Variants in NARS1 observed in about 807,000 individuals in gnomAD.
NARS1 encodes asparaginyl-tRNA synthetase 1.
In NARS1, 65 loss-of-function variants were observed where a neutral mutation model predicts 79.2. The observed-to-expected ratio is 0.82, with a 90% CI of 0.67 to 1.01. The LOEUF is 1.01. NARS1 is among the 50% of genes least tolerant of loss of function. NARS1 has a pLI of 0.00. For missense variants in NARS1, 649 were observed against 673.8 expected, an observed-to-expected ratio of 0.96 and a Z score of 0.41; for synonymous variants, 229 against 238.8, an observed-to-expected ratio of 0.96 and a Z score of 0.38.
chr18:57,609,167 G>A (rs1221022418), intron 7 of NARS1, among the ~76,000 whole-genome samples, 190 bp downstream of exon 7: 1 of 152,160 alleles, frequency 6.6e-6, no homozygotes, highest in Non-Finnish European at 1.5e-5. Context: ...ATGGCCTATC[G>A]TGGGACTTCA....
chr18:57,601,809 G>A (rs1034398254), intron 13 of NARS1, 26 bp from the exon 14 acceptor site: 2 of 1,608,498 alleles, frequency 1.2e-6, no homozygotes, highest in Admixed American at 3.3e-5. Context: ...AAGAAAGAAA[G>A]AGGAGTAAAT....
intron 2 of NARS1, among the ~76,000 whole-genome samples, chr18:57,617,022 T>A (rs1245410575): frequency 6.7e-6 from 1 of 149,952 alleles, no homozygotes; most frequent in Non-Finnish European, 1.5e-5. Flanking sequence ...CTCCCCCATG[T>A]AGAATACCTC....
At chr18:57,606,081 G>A (rs940940330) in intron 10 of NARS1, 111 bp from the exon 11 acceptor site, 3 of 647,226 alleles carry the variant, frequency 4.6e-6, no homozygotes, top group Non-Finnish European at 7.5e-6. Context: ...AGGTGTGGTG[G>A]CTCATGCCTG....
intron 6 of NARS1, 33 bp downstream of exon 6, chr18:57,611,604 A>C (rs775497761): frequency 7.0e-7 from 1 of 1,425,504 alleles, no homozygotes; most frequent in Admixed American, 2.0e-5. Flanking sequence ...GAAAACATCT[A>C]ATTTTCAGGC....
At chr18:57,604,142 G>A (rs1231943595) in intron 11 of NARS1, among the ~76,000 whole-genome samples, 1 of 152,230 alleles carries the variant, frequency 6.6e-6, no homozygotes, top group Non-Finnish European at 1.5e-5. Context: ...CACCTGGGGG[G>A]CCTTCTGACT....
rs1408656767 is a variant in NARS1 at position 57,607,684 on chromosome 18, G to C, written c.580-19C>G. On this transcript the variant is annotated intron_variant, in intron 7 of 13. Transcript: ENST00000256854. ...CTGGAGCCTGCATTTTTTAAAAGTG[G>C]GGTCCAGAGAAAGAGGGAAAAGGAA... 9 of 1,585,992 alleles carry C rather than the reference G, an allele frequency of 5.7e-6. No homozygotes were observed. Among genetic ancestry groups the C allele is most frequent in the Non-Finnish European group, 6.9e-6 (8 of 1,161,200 alleles).
Position 57,620,553 on chromosome 18 carries a change from TGAGAA to T in NARS1, c.93+11_93+15del. The T allele has an allele frequency of 6.4e-7, 1 of 1,562,426 alleles. No homozygotes were observed. On this transcript the variant is annotated intron_variant, in intron 2 of 13. Transcript: ENST00000256854. ...AATAAATGCAGTCTCATTTTCCTAA[TGAGAA>T]GAGACTCTACCTTTAGACCTGTTTT...
At chr18:57,614,243 G>A (rs1599037925) in intron 4 of NARS1, among the ~76,000 whole-genome samples, 1 of 152,226 alleles carries the variant, frequency 6.6e-6, no homozygotes, top group East Asian at 1.9e-4. Context: ...GCTCAAGCCT[G>A]TAATCCCAGC....
Position 57,611,680 on chromosome 18 carries a change from C to T in NARS1, c.449G>A (p.Arg150Gln), listed in dbSNP as rs950453448. 11 of 1,594,352 alleles carry T rather than the reference C, an allele frequency of 6.9e-6. No homozygotes were observed. Among genetic ancestry groups the T allele is most frequent in the Non-Finnish European group, 8.5e-6 (10 of 1,171,008 alleles). Residue 150 changes from arginine to glutamine, a missense_variant, in exon 6 of 14, where the codon CGA becomes CAA. Physicochemically the swap from Arg to Gln is conservative, Grantham distance 43. Transcript: ENST00000256854. Reference protein sequence around the residue: ...QGKNLMFLVLRDGTGYLQCVL... With the variant: ...QGKNLMFLVLQDGTGYLQCVL... The stretch of plus-strand genomic sequence containing the variant: ...ACACTGAAGATAACCTGTACCATCT[C>T]GCAACACCAGAAACATTAAATTCTT...
Position 57,615,723 on chromosome 18 carries a change from T to C in NARS1, c.260A>G (p.Asp87Gly), listed in dbSNP as rs1470021486. Residue 87 changes from aspartate (D) to glycine (G), a missense_variant, in exon 4 of 14, where the codon GAT (aspartate) becomes GGT (glycine). Coordinates refer to ENST00000256854, the MANE Select transcript of NARS1 (RefSeq NM_004539.4). Reference sequence around the variant, plus strand: ...CAGGTTCTTTTCTCTTCGTAAACTATCTTCTGCCTAATTTTAATGATGAAG... The same window carrying C: ...CAGGTTCTTTTCTCTTCGTAAACTACCTTCTGCCTAATTTTAATGATGAAG... ...SESREKKEAE[D>G]SLRREKNLEE... 6.2e-7 allele frequency: 1 copy of C among 1,612,332 alleles called. No individual in the cohort carries two copies. Among genetic ancestry groups the C allele is most frequent in the Non-Finnish European group, 8.5e-7 (1 of 1,179,324 alleles).
chr18:57,621,800 T>G lies in NARS1; in HGVS notation c.-83A>C, dbSNP rs376149044. 3.1e-6 allele frequency: 5 copies of G among 1,601,204 alleles called. No homozygotes were observed. Among genetic ancestry groups the G allele is most frequent in the Non-Finnish European group, 4.2e-6 (5 of 1,176,496 alleles). On this transcript the variant is annotated 5_prime_UTR_variant, in exon 1 of 14. Coordinates refer to ENST00000256854, the MANE Select transcript of NARS1 (RefSeq NM_004539.4). ...ATGACTCCAACGTGCACCGGCGGTT[T>G]CCGCGATTCCGGCGTTGCATCAGAG...
At chr18:57,621,375 A>G (rs1022426910) in intron 1 of NARS1, among the ~76,000 whole-genome samples, 157 of 152,228 alleles carry the variant, frequency 1.0e-3, no homozygotes, top group African/African-American at 3.6e-3. Flanking sequence ...ACTTTGAAGA[A>G]CTGCAGGAGT....
chr18:57,604,365 C>T (rs748520820), intron 11 of NARS1, among the ~76,000 whole-genome samples: 4 of 151,546 alleles, frequency 2.6e-5, no homozygotes, highest in Non-Finnish European at 5.9e-5. Context: ...CCAGCCCAGT[C>T]AACACAGCAA....
At chr18:57,609,799 C>A (rs1024729599) in intron 6 of NARS1, among the ~76,000 whole-genome samples, 2 of 152,076 alleles carry the variant, frequency 1.3e-5, no homozygotes, top group African/African-American at 4.8e-5. Flanking sequence ...GTGGTTCATG[C>A]CTGTAATCCC....
rs766968975 is a variant in NARS1 at position 57,607,561 on chromosome 18, G to A, written c.684C>T (p.Val228=). 6.2e-7 allele frequency: 1 copy of A among 1,614,038 alleles called. No individual in the cohort carries two copies. Among genetic ancestry groups the A allele is most frequent in the Admixed American group, 1.7e-5 (1 of 59,988 alleles). ...TCATCATGTGTCTGTTGTTGAGCTG[G>A]ACATCAACGTCAGACTCCTCATTGA... ...NLINEESDVD[V]QLNNRHMMIR... The change falls in exon 8 of 14, where the codon GTC becomes GTT. Residue 228 remains valine, a synonymous_variant. Transcript: ENST00000256854.
At chr18:57,603,018 A>G in intron 11 of NARS1, 75 bp from the exon 12 acceptor site, 3 of 1,466,182 alleles carry the variant, frequency 2.0e-6, no homozygotes, top group Non-Finnish European at 2.8e-6. Context: ...TTCACCCTGT[A>G]CCAGTCCTTC....
chr18:57,610,434 T>C (rs532711055), intron 6 of NARS1, among the ~76,000 whole-genome samples: 78 of 152,272 alleles, frequency 5.1e-4, no homozygotes, highest in Non-Finnish European at 9.1e-4. Context: ...ATCACGCCAC[T>C]GCACTCCAGC....
chr18:57,619,179 C>T (rs111246118), intron 2 of NARS1, among the ~76,000 whole-genome samples: 9,777 of 149,758 alleles, frequency 0.065, 1,060 homozygotes, highest in African/African-American at 0.22. Flanking sequence ...ACTGCAGCCT[C>T]AACCTCCTGG....
intron 9 of NARS1, 143 bp downstream of exon 9, chr18:57,606,991 A>C (rs1407445068): frequency 1.9e-6 from 2 of 1,037,678 alleles, no homozygotes; most frequent in Non-Finnish European, 2.8e-6. Flanking sequence ...CTAAGGTGGC[A>C]AAACTTTGTT....
Sources: allele counts gnomAD v4.1 joint callset (sites outside exome capture counted in the v4.1 genomes callset), GRCh38; gene constraint gnomAD v4.1.1; transcripts MANE v1.5; gene names NCBI Gene and HGNC (gene_info 2026-07-23, HGNC 2026-07-21).